The following GALNTL6 variants were observed in gnomAD, a reference collection of about 807,000 sequenced individuals.
GALNTL6 encodes polypeptide N-acetylgalactosaminyltransferase-like 6.
In GALNTL6, 46 loss-of-function variants were observed where a neutral mutation model predicts 73.7. That is an observed-to-expected ratio of 0.62 (90% confidence interval 0.49 to 0.80). The LOEUF is 0.80. Among genes scored for constraint, GALNTL6 ranks in the 30% least tolerant of loss-of-function variants. GALNTL6 has a pLI of 0.00. For missense variants in GALNTL6, 604 were observed against 755.0 expected, an observed-to-expected ratio of 0.80 and a Z score of 2.34; for synonymous variants, 259 against 263.7, an observed-to-expected ratio of 0.98 and a Z score of 0.17.
At chr4:172,512,785 C>A (rs1734470199) in intron 5 of GALNTL6, among the ~76,000 whole-genome samples, 1 of 152,222 alleles carries the variant, frequency 6.6e-6, no homozygotes, top group Non-Finnish European at 1.5e-5. Flanking sequence ...TCTCTTCTAG[C>A]TTGCAGGGTT....
chr4:172,267,659 T>C (rs1263396412), intron 3 of GALNTL6, among the ~76,000 whole-genome samples: 3 of 152,110 alleles, frequency 2.0e-5, no homozygotes, highest in Admixed American at 2.0e-4. Context: ...CTCAGCCTGG[T>C]TCCTCTCATG....
intron 2 of GALNTL6, among the ~76,000 whole-genome samples, chr4:171,936,260 CA>C (rs954100567): frequency 1.2e-4 from 18 of 152,012 alleles, no homozygotes; most frequent in African/African-American, 3.4e-4. Flanking sequence ...CAAGTGGGTA[CA>C]AAAACCTGTT....
At chr4:172,763,145 T>G (rs1560935743) in intron 5 of GALNTL6, among the ~76,000 whole-genome samples, 1 of 151,562 alleles carries the variant, frequency 6.6e-6, no homozygotes. Context: ...TTATTACAGC[T>G]GAGTGTCTTA....
chr4:171,866,565 T>C (rs1423848363), intron 2 of GALNTL6, among the ~76,000 whole-genome samples: 2 of 152,194 alleles, frequency 1.3e-5, no homozygotes, highest in Admixed American at 6.5e-5. Context: ...TTTGAAATTA[T>C]GAGATTATAA....
intron 5 of GALNTL6, among the ~76,000 whole-genome samples, chr4:172,576,923 T>G (rs377539167): frequency 1.7e-4 from 26 of 152,294 alleles, no homozygotes; most frequent in African/African-American, 6.0e-4. Flanking sequence ...GATACTTATG[T>G]GAGTGAGGCT....
chr4:171,997,474 C>T (rs1218174974), intron 2 of GALNTL6, among the ~76,000 whole-genome samples: 3 of 151,930 alleles, frequency 2.0e-5, no homozygotes, highest in Non-Finnish European at 4.4e-5. Context: ...CATAGCTTAC[C>T]CTTAAACATG....
At chr4:172,837,591 A>G in intron 7 of GALNTL6, among the ~76,000 whole-genome samples, 1 of 152,196 alleles carries the variant, frequency 6.6e-6, no homozygotes, top group East Asian at 1.9e-4. Context: ...AAAAAATTAG[A>G]AGAGAATAAG....
At chr4:172,303,296 CATTACCCTAGAG>C (rs1022304024) in intron 3 of GALNTL6, among the ~76,000 whole-genome samples, 19 of 152,168 alleles carry the variant, frequency 1.2e-4, no homozygotes, top group Non-Finnish European at 2.6e-4. Flanking sequence ...CAGCGCCTGG[CATTACCCTAGAG>C]ATGTCAGTAT....
intron 5 of GALNTL6, among the ~76,000 whole-genome samples, chr4:172,617,578 G>A (rs1038198422): frequency 2.6e-5 from 4 of 151,894 alleles, no homozygotes; most frequent in East Asian, 3.9e-4. Flanking sequence ...CTGGGTTCAC[G>A]CCATTCTCCT....
chr4:171,979,632 A>G (rs1739831564), intron 2 of GALNTL6, among the ~76,000 whole-genome samples: 1 of 152,168 alleles, frequency 6.6e-6, no homozygotes, highest in African/African-American at 2.4e-5. Context: ...CCAAACTGAA[A>G]GGCAGTTGCC....
chr4:172,991,875 G>A lies in GALNTL6; in HGVS notation c.1372-17303G>A, dbSNP rs80280144. On this transcript the variant is annotated intron_variant, in intron 10 of 12. Transcript: ENST00000506823. Reference sequence around the variant, plus strand: ...TTATTTTGACACAGAGCCCAGTTCCGGCCCTGCATTTTATTTTAATGTTTC... The same window carrying A: ...TTATTTTGACACAGAGCCCAGTTCCAGCCCTGCATTTTATTTTAATGTTTC... Among the ~76,000 whole-genome samples, 606 of 152,134 alleles carry A rather than the reference G, an allele frequency of 4.0e-3. 4 individuals carry two copies. Among genetic ancestry groups the A allele is most frequent in the African/African-American group, 0.014 (571 of 41,496 alleles).
intron 10 of GALNTL6, among the ~76,000 whole-genome samples, chr4:172,966,399 CTTTT>C (rs561306473): frequency 1.4e-5 from 2 of 143,218 alleles, no homozygotes; most frequent in Non-Finnish European, 1.5e-5. Flanking sequence ...GGGAGTCGAT[CTTTT>C]TTTTTTTTTG....
At position 173,021,408 on chromosome 4, in the gene GALNTL6, C is replaced by T. The variant is rs566131637; in HGVS notation, c.1489-68C>T. ...TCTACATTGCTAAAAGACATACCTT[C>T]CCCCGCCCTTGCATCTTCTCTCCAA... is the stretch of plus-strand genomic sequence containing the variant. On this transcript the variant is annotated intron_variant, in intron 11 of 12. Coordinates refer to ENST00000506823, the MANE Select transcript of GALNTL6 (RefSeq NM_001034845.3). 204 of 1,500,766 alleles carry T rather than the reference C, an allele frequency of 1.4e-4. 1 individual carries two copies. In the Admixed American group the frequency reaches 1.9e-3, roughly 14 times the overall value. 93.0% of individuals were successfully genotyped at this position (1,500,766 alleles called of 1,614,324 possible).
chr4:172,977,035 T>C (rs554324928), intron 10 of GALNTL6, among the ~76,000 whole-genome samples: 1 of 152,346 alleles, frequency 6.6e-6, no homozygotes, highest in African/African-American at 2.4e-5. Context: ...TGATTTTGCA[T>C]GAGAAATTAC....
chr4:171,816,222 A>C (rs902959194), intron 2 of GALNTL6: 2 of 152,122 alleles, frequency 1.3e-5, no homozygotes, highest in East Asian at 3.8e-4. Flanking sequence ...TTGCTAATTC[A>C]ATTAACAATA....
intron 5 of GALNTL6, among the ~76,000 whole-genome samples, chr4:172,808,874 G>C (rs1474999341): frequency 6.6e-6 from 1 of 152,066 alleles, no homozygotes; most frequent in Non-Finnish European, 1.5e-5. Flanking sequence ...TTAACTTCTG[G>C]GGGAAAAAAT....
chr4:172,054,596 G>A (rs1482432194), intron 2 of GALNTL6, among the ~76,000 whole-genome samples: 2 of 152,080 alleles, frequency 1.3e-5, no homozygotes, highest in Admixed American at 6.6e-5. Context: ...TCTTTTATAA[G>A]GGTATTAATC....
intron 10 of GALNTL6, among the ~76,000 whole-genome samples, chr4:172,991,730 C>T (rs758791387): frequency 1.3e-5 from 2 of 152,226 alleles, no homozygotes; most frequent in African/African-American, 4.8e-5. Context: ...TTAATAAAAC[C>T]TCATAAACAA....
rs978491324 is a variant in GALNTL6, at chr4:172,553,633, A to G, written c.553+204944A>G. 8.5e-5 allele frequency among the ~76,000 whole-genome samples: 13 copies of G among 152,220 alleles called. 1 individual carries two copies. The highest frequency in any genetic ancestry group is 4.6e-4 in the Admixed American group (7 of 15,276). On this transcript the variant is annotated intron_variant, in intron 5 of 12. Coordinates refer to ENST00000506823, the MANE Select transcript of GALNTL6 (RefSeq NM_001034845.3). The stretch of plus-strand genomic sequence containing the variant: ...CAAAAATGAATAATTCTGATTCATC[A>G]TAACACAAATGCTTATATTAACAAT...
Sources: gnomAD v4.1 joint callset for allele counts (sites outside exome capture counted in the v4.1 genomes callset) on GRCh38, gnomAD v4.1.1 for gene constraint, MANE v1.5 for transcripts, NCBI Gene and HGNC (gene_info 2026-07-23, HGNC 2026-07-21) for gene names.